Variants in CHRM2 observed in about 807,000 individuals in gnomAD.
CHRM2 encodes cholinergic receptor muscarinic 2, also known as muscarinic acetylcholine receptor M2.
A neutral mutation model predicts 25.0 loss-of-function variants in CHRM2; 8 were observed. That is an observed-to-expected ratio of 0.32 (90% CI 0.19 to 0.58). The LOEUF is 0.58. Ranked by LOEUF, CHRM2 falls within the 20% of genes least tolerant of loss-of-function variation. The pLI is 0.88. For missense variants in CHRM2, 440 were observed against 567.1 expected (o/e 0.78, Z 2.28); for synonymous variants, 202 against 205.7 (o/e 0.98, Z 0.15).
intron 3 of CHRM2, among the ~76,000 whole-genome samples, chr7:136,998,163 G>T (rs1803732090): frequency 6.6e-6 from 1 of 152,160 alleles, no homozygotes; most frequent in African/African-American, 2.4e-5. Context: ...ATTAGTTCAA[G>T]CTCATACGTT....
At chr7:136,977,739 T>C (rs1447041311) in intron 2 of CHRM2, among the ~76,000 whole-genome samples, 2 of 152,210 alleles carry the variant, frequency 1.3e-5, no homozygotes, top group African/African-American at 2.4e-5. Flanking sequence ...ATCATTGGTT[T>C]AATTTGTTCC....
chr7:136,916,519 C>T (rs1305683411), intron 2 of CHRM2, among the ~76,000 whole-genome samples: 1 of 151,456 alleles, frequency 6.6e-6, no homozygotes, highest in Admixed American at 6.6e-5. Flanking sequence ...TTTCTGTTCT[C>T]GCAAGATTTT....
rs74299039 is a variant in CHRM2 at position 136,892,548 on chromosome 7, T to C, written c.-125+23130T>C. On this transcript the variant is annotated intron_variant, in intron 2 of 3. Transcript: ENST00000680005. Reference sequence around the variant, plus strand: ...AAGCAAACAAACAGGTGTTAATGAGTTCATTTGGGCCCAAGTTTGATAAAG... The same window carrying C: ...AAGCAAACAAACAGGTGTTAATGAGCTCATTTGGGCCCAAGTTTGATAAAG... Among the ~76,000 whole-genome samples the C allele has an allele frequency of 5.4e-4, 82 of 152,160 alleles. 1 individual carries two copies. In the East Asian group the frequency reaches 0.015, roughly 27 times the overall value.
chr7:136,902,487 C>T (rs369033987), intron 2 of CHRM2: 7 of 151,940 alleles, frequency 4.6e-5, no homozygotes, highest in South Asian at 2.1e-4. Context: ...ATTAAATGCA[C>T]GTAAAAATTA....
At chr7:136,963,693 G>A (rs2130903274) in intron 2 of CHRM2, among the ~76,000 whole-genome samples, 1 of 152,154 alleles carries the variant, frequency 6.6e-6, no homozygotes, top group East Asian at 1.9e-4. Context: ...CTCAGTCCTG[G>A]GTTCACATTA....
chr7:136,979,037 C>G (rs1802303384), intron 2 of CHRM2, among the ~76,000 whole-genome samples: 1 of 152,154 alleles, frequency 6.6e-6, no homozygotes, highest in South Asian at 2.1e-4. Context: ...CTGCCCTCCA[C>G]AATGGTTGAA....
intron 2 of CHRM2, among the ~76,000 whole-genome samples, chr7:136,872,128 A>T (rs1326884427): frequency 6.6e-6 from 1 of 152,108 alleles, no homozygotes; most frequent in African/African-American, 2.4e-5. Context: ...AAGTTTTGGG[A>T]CTCCAAATTC....
chr7:136,951,521 C>T (rs529880308), intron 2 of CHRM2, among the ~76,000 whole-genome samples: 1 of 152,228 alleles, frequency 6.6e-6, no homozygotes, highest in South Asian at 2.1e-4. Context: ...TTATAACGCA[C>T]TTGGCAGATC....
intron 2 of CHRM2, among the ~76,000 whole-genome samples, chr7:136,921,394 G>C (rs1204662359): frequency 1.3e-5 from 2 of 151,976 alleles, no homozygotes; most frequent in Admixed American, 1.3e-4. Flanking sequence ...TCAACATCTG[G>C]AACAGCTTAC....
intron 2 of CHRM2, among the ~76,000 whole-genome samples, chr7:136,991,620 G>A (rs1454737095): frequency 6.6e-6 from 1 of 152,004 alleles, no homozygotes; most frequent in Non-Finnish European, 1.5e-5. Flanking sequence ...GATTAACTTA[G>A]CTACCATCTG....
chr7:136,954,797 G>A (rs917156034), intron 2 of CHRM2, among the ~76,000 whole-genome samples: 1 of 152,188 alleles, frequency 6.6e-6, no homozygotes, highest in Non-Finnish European at 1.5e-5. Context: ...TTCAACCAAT[G>A]GGAAGCATCA....
At chr7:136,913,449 A>T (rs899099846) in intron 2 of CHRM2, among the ~76,000 whole-genome samples, 3 of 151,924 alleles carry the variant, frequency 2.0e-5, no homozygotes, top group African/African-American at 7.2e-5. Context: ...ACATTCCTCT[A>T]GTTTTGAGGA....
At position 136,956,827 on chromosome 7, in the gene CHRM2, G is replaced by GTT. The variant is rs5887820; in HGVS notation, c.-124-35351_-124-35350dup. 7.1e-4 allele frequency among the ~76,000 whole-genome samples: 106 copies of GTT among 149,346 alleles called. 3 individuals carry two copies. In the South Asian group the frequency reaches 8.1e-3, roughly 11 times the overall value. On this transcript the variant is annotated intron_variant, in intron 2 of 3. Coordinates refer to ENST00000680005, the MANE Select transcript of CHRM2 (RefSeq NM_001006630.2). ...GGAGGGGGAATGGGATCATATGAAG[G>GTT]TTTTTTTTTTCCTCTCTCTCTTATT...
intron 2 of CHRM2, among the ~76,000 whole-genome samples, chr7:136,880,134 T>A (rs192705235): frequency 4.2e-4 from 64 of 151,892 alleles, no homozygotes; most frequent in Admixed American, 2.6e-3. Context: ...TGTTACATTC[T>A]CTGGTCCGGT....
intron 3 of CHRM2, among the ~76,000 whole-genome samples, chr7:137,008,460 T>A (rs1804593658): frequency 6.6e-6 from 1 of 152,094 alleles, no homozygotes; most frequent in South Asian, 2.1e-4. Context: ...ATTTGAAGGC[T>A]AACATGGGCC....
rs887372084 is a variant in CHRM2 at position 137,016,457 on chromosome 7, C to T, written c.*191C>T. 3 of 614,336 alleles carry T rather than the reference C, an allele frequency of 4.9e-6. No homozygotes were observed. Among genetic ancestry groups the T allele is most frequent in the African/African-American group, 1.9e-5 (1 of 53,742 alleles). 38.1% of individuals were successfully genotyped at this position (614,336 alleles called of 1,614,324 possible). A position where few individuals can be genotyped will look rare whatever the true frequency, so the allele number is the denominator to read the frequency against. ...GTTTGCAAAAATTGCACCTTATAAA[C>T]TGTCAGTATTAGGAGCAATGAGACA... On this transcript the variant is annotated 3_prime_UTR_variant, in exon 4 of 4. Transcript: ENST00000680005.
At chr7:136,915,858 A>ATTTT (rs113903060) in intron 2 of CHRM2, among the ~76,000 whole-genome samples, 6 of 141,866 alleles carry the variant, frequency 4.2e-5, no homozygotes, top group African/African-American at 1.5e-4. Context: ...GAAAAGAAAC[A>ATTTT]TTTTTTTTTT....
intron 2 of CHRM2, among the ~76,000 whole-genome samples, chr7:136,960,534 G>A (rs1289207819): frequency 6.6e-6 from 1 of 152,192 alleles, no homozygotes; most frequent in Non-Finnish European, 1.5e-5. Flanking sequence ...GAAACCAGAG[G>A]TAAACTGGAG....
intron 2 of CHRM2, among the ~76,000 whole-genome samples, chr7:136,965,531 C>A (rs531934961): frequency 1.6e-3 from 247 of 152,048 alleles, no homozygotes; most frequent in African/African-American, 5.7e-3. Flanking sequence ...AAAAGGCACA[C>A]ATAAAATTTC....
Sources: allele counts gnomAD v4.1 joint callset (sites outside exome capture counted in the v4.1 genomes callset), GRCh38; gene constraint gnomAD v4.1.1; transcripts MANE v1.5; gene names NCBI Gene and HGNC (gene_info 2026-07-23, HGNC 2026-07-21).